Variants in CRB1 observed in about 807,000 individuals in gnomAD.
CRB1 encodes protein crumbs homolog 1.
CRB1 carries 83 observed loss-of-function variants against 120.0 expected under a neutral mutation model. The observed-to-expected ratio is 0.69, with a 90% CI of 0.58 to 0.83. The LOEUF (loss-of-function observed/expected upper bound fraction) is 0.83. CRB1 is among the 40% of genes least tolerant of loss of function. The pLI is 0.00. For synonymous variants in CRB1, 625 were observed against 612.5 expected (o/e 1.02, Z -0.30); for missense variants, 1,699 against 1,687.6 (o/e 1.01, Z -0.12).
intron 5 of CRB1, among the ~76,000 whole-genome samples, chr1:197,392,378 C>G (rs187997936): frequency 2.0e-4 from 30 of 152,136 alleles, no homozygotes; most frequent in African/African-American, 7.0e-4. Context: ...ACCAGGTTAA[C>G]AGGATCATAA....
In CRB1 at chr1:197,347,381, A is replaced by C. The variant is rs745662323; in HGVS notation, c.890A>C (p.His297Pro). The C allele has an allele frequency of 3.1e-6, 5 of 1,612,950 alleles. No individual in the cohort carries two copies. Among genetic ancestry groups the C allele is most frequent in the Non-Finnish European group, 8.5e-7 (1 of 1,178,898 alleles). The change falls in exon 4 of 12, where the codon CAC becomes CCC. Residue 297 changes from histidine to proline, a missense_variant. His to Pro is a moderately conservative substitution (Grantham distance 77). Transcript: ENST00000367400. ...ACGGGTAGTGGATTCACAGGGACACACTGTGAGACCTTGATGCCTCTTTGT... is the reference window on the plus strand; with the variant it reads ...ACGGGTAGTGGATTCACAGGGACACCCTGTGAGACCTTGATGCCTCTTTGT... ...NCTGSGFTGT[H>P]CETLMPLCWS...
chr1:197,437,153 C>T (rs574251824), intron 9 of CRB1, among the ~76,000 whole-genome samples: 6 of 152,190 alleles, frequency 3.9e-5, no homozygotes, highest in Non-Finnish European at 7.4e-5. Flanking sequence ...TCCAGAACTT[C>T]GGCAAGAACA....
chr1:197,288,325 A>G (rs1655955392), intron 1 of CRB1, among the ~76,000 whole-genome samples: 1 of 151,872 alleles, frequency 6.6e-6, no homozygotes, highest in African/African-American at 2.4e-5. Flanking sequence ...GATTTATGAA[A>G]CATTTGGTAG....
At position 197,365,955 on chromosome 1, in the gene CRB1, G is replaced by T. The variant is rs1454062815; in HGVS notation, c.1171+8942G>T. Among the ~76,000 whole-genome samples, 4 of 151,982 alleles carry T rather than the reference G, an allele frequency of 2.6e-5. No homozygotes were observed. The South Asian group carries it at 8.3e-4, about 32-fold the overall frequency. On this transcript the variant is annotated intron_variant, in intron 5 of 11. Coordinates refer to ENST00000367400, the MANE Select transcript of CRB1 (RefSeq NM_201253.3). ...AGTCATGCTTAGTGGGGAGAAACAG[G>T]GAGAGAGAAGTCTATGCTCTCTTGT...
At chr1:197,445,110 C>T (rs1053229257) in intron 11 of CRB1, among the ~76,000 whole-genome samples, 1 of 152,162 alleles carries the variant, frequency 6.6e-6, no homozygotes, top group African/African-American at 2.4e-5. Context: ...TTTACATTGT[C>T]CCTGCCAAAG....
chr1:197,449,771 G>A (rs1019271985), intron 11 of CRB1, among the ~76,000 whole-genome samples: 1 of 152,178 alleles, frequency 6.6e-6, no homozygotes, highest in African/African-American at 2.4e-5. Context: ...TCTCTGCTCA[G>A]TTATTTTGTC....
At chr1:197,222,783 G>A in the CRB1 span, 3 of 1,233,276 alleles carry the variant, frequency 2.4e-6, no homozygotes, top group Admixed American at 5.0e-5. Flanking sequence ...AGTGCTACAT[G>A]ATATTTCAAG....
At chr1:197,266,192 A>G (rs1417853066), upstream of CRB1, among the ~76,000 whole-genome samples, 1 of 152,124 alleles carries the variant, frequency 6.6e-6, no homozygotes, top group Non-Finnish European at 1.5e-5. Flanking sequence ...TCATACTGCT[A>G]TAACAAAATT....
chr1:197,310,345 C>G (rs568772071), intron 1 of CRB1, among the ~76,000 whole-genome samples: 1 of 152,150 alleles, frequency 6.6e-6, no homozygotes, highest in African/African-American at 2.4e-5. Flanking sequence ...CTTTTGTCTT[C>G]GCCCTCACCA....
chr1:197,463,067 A>C (rs1041780613), intron 11 of CRB1, among the ~76,000 whole-genome samples: 1 of 152,102 alleles, frequency 6.6e-6, no homozygotes, highest in African/African-American at 2.4e-5. Context: ...ACTGGAGGGG[A>C]GCACATGGCT....
At chr1:197,412,312 T>C (rs1451554767) in intron 5 of CRB1, among the ~76,000 whole-genome samples, 1 of 152,262 alleles carries the variant, frequency 6.6e-6, no homozygotes, top group Non-Finnish European at 1.5e-5. Context: ...TTTGAATGAC[T>C]AGCATGCTCC....
intron 8 of CRB1, 72 bp downstream of exon 8, chr1:197,429,686 G>A: frequency 6.8e-7 from 1 of 1,481,446 alleles, no homozygotes; most frequent in Non-Finnish European, 9.3e-7. Context: ...AGCAAACACA[G>A]AAAAAGAGTA....
intron 11 of CRB1, among the ~76,000 whole-genome samples, chr1:197,472,212 A>G (rs1667012476): frequency 6.6e-6 from 1 of 152,222 alleles, no homozygotes; most frequent in East Asian, 1.9e-4. Flanking sequence ...TTAACTTTCC[A>G]TCTTAAACTG....
At chr1:197,207,159 A>T in the CRB1 span, among the ~76,000 whole-genome samples, 1 of 152,190 alleles carries the variant, frequency 6.6e-6, no homozygotes, top group East Asian at 1.9e-4. Flanking sequence ...GTGAATTCTT[A>T]TCCATTCTGC....
chr1:197,435,308 T>G lies in CRB1; in HGVS notation c.3445T>G (p.Leu1149Val). 2.5e-6 allele frequency: 4 copies of G among 1,613,810 alleles called. No individual in the cohort carries two copies. The South Asian group carries it at 4.4e-5, about 18-fold the overall frequency. The change falls in exon 9 of 12, where the codon TTG (leucine) becomes GTG (valine). Residue 1149 changes from leucine (L) to valine (V), a missense_variant. Physicochemically the swap from Leu to Val is conservative, Grantham distance 32. Transcript: ENST00000367400. ...QLNVCNSNPC[L>V]HGGNCEDIYS... is the part of the protein sequence containing the mutation. ...AAATGTCTGCAACTCCAACCCCTGT[T>G]TGCATGGAGGAAACTGTGAAGACAT...
chr1:197,387,859 C>T (rs763932450), intron 5 of CRB1, among the ~76,000 whole-genome samples: 17 of 151,686 alleles, frequency 1.1e-4, no homozygotes, highest in East Asian at 1.9e-4. Context: ...TGCCACCAAA[C>T]GAAAATAATA....
intron 5 of CRB1, among the ~76,000 whole-genome samples, chr1:197,414,304 A>G (rs1178704897): frequency 2.0e-5 from 3 of 152,158 alleles, no homozygotes; most frequent in Non-Finnish European, 2.9e-5. Context: ...AGGGTAAATT[A>G]TATAACTTCA....
chr1:197,395,351 C>T (rs1013530411), intron 5 of CRB1, among the ~76,000 whole-genome samples: 2 of 152,004 alleles, frequency 1.3e-5, no homozygotes, highest in South Asian at 2.1e-4. Flanking sequence ...TGATATTTAC[C>T]GTACAAGGAA....
At chr1:197,238,035 A>G in the CRB1 span, among the ~76,000 whole-genome samples, 1 of 152,054 alleles carries the variant, frequency 6.6e-6, no homozygotes. Context: ...AAATGTTGAT[A>G]TGTTGTATTT....
Sources: allele counts gnomAD v4.1 joint callset (sites outside exome capture counted in the v4.1 genomes callset), GRCh38; gene constraint gnomAD v4.1.1; transcripts MANE v1.5; gene names NCBI Gene and HGNC (gene_info 2026-07-23, HGNC 2026-07-21).